The following DLG2 variants were observed in gnomAD, a reference collection of about 807,000 sequenced individuals.
DLG2 encodes discs large MAGUK scaffold protein 2, also known as disks large homolog 2.
DLG2 carries 45 observed loss-of-function variants against 132.5 expected under a neutral mutation model. The observed-to-expected ratio is 0.34, with a 90% confidence interval of 0.27 to 0.44. The LOEUF is 0.44. Among genes scored for constraint, DLG2 ranks in the 20% least tolerant of loss-of-function variants. DLG2 has a pLI of 1.00. For missense variants in DLG2, 1,045 were observed against 1,196.9 expected (o/e 0.87, Z 1.87); for synonymous variants, 424 against 419.6 (o/e 1.01, Z -0.13).
intron 3 of DLG2, among the ~76,000 whole-genome samples, chr11:85,513,099 C>G (rs1486691561): frequency 2.0e-5 from 3 of 151,866 alleles, no homozygotes; most frequent in Non-Finnish European, 4.4e-5. Context: ...AAAGAGAAAA[C>G]AAAACACAGC....
intron 6 of DLG2, among the ~76,000 whole-genome samples, chr11:84,858,591 G>C (rs766325212): frequency 5.9e-5 from 9 of 151,952 alleles, no homozygotes; most frequent in Non-Finnish European, 1.3e-4. Flanking sequence ...TTCCTCTTTA[G>C]AATCCCAAAC....
At chr11:84,050,153 C>CT (rs59128434) in intron 11 of DLG2, among the ~76,000 whole-genome samples, 2,014 of 141,148 alleles carry the variant, frequency 0.014, 49 homozygotes, top group African/African-American at 0.048. Context: ...CTACTGGAGA[C>CT]TTTTTTTTTT....
chr11:84,232,111 G>A (rs1410383281), intron 8 of DLG2, among the ~76,000 whole-genome samples: 1 of 152,068 alleles, frequency 6.6e-6, no homozygotes, highest in African/African-American at 2.4e-5. Context: ...GCAACACAAG[G>A]ATCTGTGCGC....
chr11:84,908,801 A>C (rs2091798402), intron 6 of DLG2, among the ~76,000 whole-genome samples: 1 of 151,208 alleles, frequency 6.6e-6, no homozygotes, highest in Non-Finnish European at 1.5e-5. Flanking sequence ...GTTGAAAAAC[A>C]TATGTTGAAA....
chr11:85,274,204 G>A (rs2077736789), intron 4 of DLG2, among the ~76,000 whole-genome samples: 2 of 152,168 alleles, frequency 1.3e-5, no homozygotes, highest in Admixed American at 1.3e-4. Context: ...GTATACATAT[G>A]TAACAAACCT....
chr11:85,464,526 G>A (rs1476390596), intron 3 of DLG2, among the ~76,000 whole-genome samples: 1 of 152,100 alleles, frequency 6.6e-6, no homozygotes, highest in Non-Finnish European at 1.5e-5. Context: ...CAGGTCACAA[G>A]TTCGGGTGGC....
intron 11 of DLG2, among the ~76,000 whole-genome samples, chr11:84,056,002 G>A (rs1025781364): frequency 2.6e-5 from 4 of 151,864 alleles, no homozygotes; most frequent in African/African-American, 9.7e-5. Context: ...CTACATTTTT[G>A]ATGCTTACTA....
chr11:84,515,419 T>G (rs544896967), intron 7 of DLG2, among the ~76,000 whole-genome samples: 1 of 149,670 alleles, frequency 6.7e-6, no homozygotes, highest in Admixed American at 6.7e-5. Flanking sequence ...CATATGAAAA[T>G]CAAAAGAAAG....
intron 18 of DLG2, among the ~76,000 whole-genome samples, chr11:83,715,809 C>A (rs1030971056): frequency 6.6e-6 from 1 of 152,142 alleles, no homozygotes; most frequent in Non-Finnish European, 1.5e-5. Flanking sequence ...CTCCCTCTCC[C>A]TGTCCTACTT....
At chr11:84,053,027 A>T (rs928121842) in intron 11 of DLG2, among the ~76,000 whole-genome samples, 1 of 152,084 alleles carries the variant, frequency 6.6e-6, no homozygotes, top group African/African-American at 2.4e-5. Flanking sequence ...ATGCCCATCA[A>T]TGACAGACTG....
At chr11:85,263,258 A>T (rs2077036520) in intron 4 of DLG2, among the ~76,000 whole-genome samples, 1 of 152,172 alleles carries the variant, frequency 6.6e-6, no homozygotes, top group Non-Finnish European at 1.5e-5. Flanking sequence ...TTCAGGGAAG[A>T]TTTATCATTC....
At chr11:84,761,046 A>G (rs777821973) in intron 6 of DLG2, among the ~76,000 whole-genome samples, 23 of 152,174 alleles carry the variant, frequency 1.5e-4, no homozygotes, top group Non-Finnish European at 3.2e-4. Context: ...AAGCTGTCAC[A>G]TGGCCCTCTG....
chr11:83,538,929 AG>A (rs1426028897), intron 20 of DLG2, among the ~76,000 whole-genome samples: 1 of 152,138 alleles, frequency 6.6e-6, no homozygotes, highest in African/African-American at 2.4e-5. Context: ...TTGTATCTGT[AG>A]GGGGCAAGAT....
chr11:83,490,866 G>A (rs1281542063), intron 21 of DLG2, among the ~76,000 whole-genome samples: 1 of 151,976 alleles, frequency 6.6e-6, no homozygotes, highest in Non-Finnish European at 1.5e-5. Context: ...AGAATGCAAT[G>A]TGTAGTCCTG....
At chr11:85,125,579 G>A (rs2074989244) in intron 5 of DLG2, among the ~76,000 whole-genome samples, 1 of 152,092 alleles carries the variant, frequency 6.6e-6, no homozygotes, top group Non-Finnish European at 1.5e-5. Flanking sequence ...ATTATCAAGA[G>A]TATATTTTAA....
intron 5 of DLG2, among the ~76,000 whole-genome samples, chr11:85,133,779 G>A (rs991693851): frequency 6.6e-6 from 1 of 152,134 alleles, no homozygotes; most frequent in Admixed American, 6.5e-5. Flanking sequence ...AGTGGGCAGA[G>A]CTTTGTGTTG....
chr11:85,045,462 A>G (rs550013899), intron 6 of DLG2, among the ~76,000 whole-genome samples: 9 of 152,054 alleles, frequency 5.9e-5, no homozygotes, highest in Non-Finnish European at 1.2e-4. Flanking sequence ...TAGTTAAACT[A>G]TAAGTGATTC....
At chr11:83,885,262 G>T (rs1045080757) in intron 15 of DLG2, among the ~76,000 whole-genome samples, 8 of 152,356 alleles carry the variant, frequency 5.3e-5, no homozygotes, top group Admixed American at 2.0e-4. Flanking sequence ...AGGAGCTGAT[G>T]GAGCTGAAAG....
At chr11:84,853,043 C>CA (rs2082344555) in intron 6 of DLG2, among the ~76,000 whole-genome samples, 1 of 151,914 alleles carries the variant, frequency 6.6e-6, no homozygotes, top group Non-Finnish European at 1.5e-5. Flanking sequence ...ACAGTTTCCT[C>CA]AGTAATTATC....
Sources: allele counts gnomAD v4.1 joint callset (sites outside exome capture counted in the v4.1 genomes callset), GRCh38; gene constraint gnomAD v4.1.1; transcripts MANE v1.5; gene names NCBI Gene and HGNC (gene_info 2026-07-23, HGNC 2026-07-21).